The following CNTNAP2 variants were observed in gnomAD, a reference collection of about 807,000 sequenced individuals.
The protein encoded by CNTNAP2 is contactin-associated protein-like 2.
A neutral mutation model predicts 155.2 loss-of-function variants in CNTNAP2; 98 were observed. That is an observed-to-expected ratio of 0.63 (90% CI 0.54 to 0.75). CNTNAP2 has a LOEUF of 0.75. Among genes scored for constraint, CNTNAP2 ranks in the 30% least tolerant of loss-of-function variants. The pLI, the probability that CNTNAP2 is intolerant of heterozygous loss-of-function variation, is 0.00. For synonymous variants in CNTNAP2, 651 were observed against 631.2 expected (o/e 1.03, Z -0.47); for missense variants, 1,727 against 1,688.1 (o/e 1.02, Z -0.40).
intron 20 of CNTNAP2, among the ~76,000 whole-genome samples, chr7:148,259,179 TAAAAAAAA>T (rs34229180): frequency 2.0e-3 from 48 of 24,026 alleles, no homozygotes; most frequent in African/African-American, 6.7e-3. Context: ...AACTCCGTCT[TAAAAAAAA>T]AAAAAAAAAA....
chr7:146,304,948 C>A (rs950600617), intron 1 of CNTNAP2, among the ~76,000 whole-genome samples: 2 of 152,132 alleles, frequency 1.3e-5, no homozygotes, highest in African/African-American at 4.8e-5. Context: ...TTCCATATTT[C>A]TTGGAGGCTT....
chr7:148,100,784 A>G (rs539802929), intron 15 of CNTNAP2, among the ~76,000 whole-genome samples: 64 of 152,332 alleles, frequency 4.2e-4, no homozygotes, highest in Middle Eastern at 3.4e-3. Context: ...AAACATTTAT[A>G]TACCCAAAGG....
chr7:146,516,580 A>T (rs1797545110), intron 1 of CNTNAP2, among the ~76,000 whole-genome samples: 1 of 151,972 alleles, frequency 6.6e-6, no homozygotes, highest in Non-Finnish European at 1.5e-5. Flanking sequence ...AGGGAGTATA[A>T]GTTCATCTCC....
At position 147,945,847 on chromosome 7, in the gene CNTNAP2, CT is replaced by C. The variant is rs1359690757; in HGVS notation, c.2256-32011del. Among the ~76,000 whole-genome samples, 6 of 148,254 alleles carry C rather than the reference CT, an allele frequency of 4.0e-5. No homozygotes were observed. The East Asian group carries it at 1.2e-3, about 29-fold the overall frequency. On this transcript the variant is annotated intron_variant, in intron 14 of 23. Transcript: ENST00000361727. ...CGCATTCCCCACTTACTTCTCTTTT[CT>C]TTTCTTTTTTTTTCTTTTTCTTTTT...
intron 13 of CNTNAP2, among the ~76,000 whole-genome samples, chr7:147,848,318 G>A (rs1049681603): frequency 1.1e-4 from 16 of 150,094 alleles, no homozygotes; most frequent in African/African-American, 2.9e-4. Flanking sequence ...TTCTTAAGCC[G>A]GTCTGAAAAG....
rs187066564 is a variant in CNTNAP2 at position 146,957,535 on chromosome 7, A to G, written c.403-86372A>G. Among the ~76,000 whole-genome samples, 26 of 152,330 alleles carry G rather than the reference A, an allele frequency of 1.7e-4. No individual in the cohort carries two copies. The East Asian group carries it at 5.0e-3, about 29-fold the overall frequency. ...CAAGCATACACAAAAGCATAGAGTA[A>G]TTGTGCAAATTATTTTAAAGTTTTC... On this transcript the variant is annotated intron_variant, in intron 3 of 23. Coordinates refer to ENST00000361727, the MANE Select transcript of CNTNAP2 (RefSeq NM_014141.6).
intron 9 of CNTNAP2, among the ~76,000 whole-genome samples, chr7:147,381,633 C>T (rs1455316901): frequency 6.6e-6 from 1 of 152,152 alleles, no homozygotes. Context: ...CCCTAGGCAA[C>T]GATGGCTTTT....
chr7:148,219,612 G>T (rs1159812762), intron 19 of CNTNAP2, among the ~76,000 whole-genome samples: 1 of 152,186 alleles, frequency 6.6e-6, no homozygotes, highest in East Asian at 1.9e-4. Context: ...CAGGATGATT[G>T]CTTGAGGCCA....
At chr7:148,038,212 T>C (rs904586971) in intron 15 of CNTNAP2, among the ~76,000 whole-genome samples, 2 of 152,218 alleles carry the variant, frequency 1.3e-5, no homozygotes, top group Non-Finnish European at 2.9e-5. Flanking sequence ...GGCAATTCAG[T>C]CTGATGCCTC....
chr7:147,061,730 C>T (rs890635038), intron 4 of CNTNAP2, among the ~76,000 whole-genome samples: 29 of 152,070 alleles, frequency 1.9e-4, no homozygotes, highest in African/African-American at 7.0e-4. Flanking sequence ...AAATAATTAT[C>T]CCAAAATAGC....
chr7:148,303,600 G>A (rs1110038), intron 21 of CNTNAP2, among the ~76,000 whole-genome samples: 91,739 of 152,054 alleles, frequency 0.6, 29,517 homozygotes, highest in East Asian at 0.76. Flanking sequence ...CTTCTTTTTC[G>A]CATCCCAGAC....
chr7:148,006,570 C>T (rs1412675174), intron 15 of CNTNAP2, among the ~76,000 whole-genome samples: 2 of 150,060 alleles, frequency 1.3e-5, no homozygotes, highest in Non-Finnish European at 3.0e-5. Flanking sequence ...CTGCCTGCCT[C>T]GGCCTTCCAA....
intron 15 of CNTNAP2, among the ~76,000 whole-genome samples, chr7:148,105,799 C>T (rs1050461538): frequency 6.6e-6 from 1 of 152,136 alleles, no homozygotes; most frequent in Non-Finnish European, 1.5e-5. Context: ...GTTGGCCAGG[C>T]TCGTCTTGAA....
intron 3 of CNTNAP2, chr7:146,963,300 C>T (rs1028880943): frequency 6.6e-6 from 1 of 152,050 alleles, no homozygotes; most frequent in African/African-American, 2.4e-5. Flanking sequence ...TTCAATTTTA[C>T]TTGTCTTTGT....
chr7:146,975,345 G>A (rs1797889874), intron 3 of CNTNAP2, among the ~76,000 whole-genome samples: 1 of 152,018 alleles, frequency 6.6e-6, no homozygotes, highest in Non-Finnish European at 1.5e-5. Flanking sequence ...GGCACCTGTA[G>A]TCCCAGATAC....
chr7:146,459,407 A>G (rs918684995), intron 1 of CNTNAP2, among the ~76,000 whole-genome samples: 1 of 152,188 alleles, frequency 6.6e-6, no homozygotes, highest in Non-Finnish European at 1.5e-5. Flanking sequence ...CAAGAGTGAT[A>G]TAGCCAAAAC....
chr7:147,578,268 A>T (rs1563005952), intron 12 of CNTNAP2, among the ~76,000 whole-genome samples: 1 of 152,122 alleles, frequency 6.6e-6, no homozygotes, highest in African/African-American at 2.4e-5. Context: ...TTTGCAGGAG[A>T]TTGGTTGATA....
chr7:147,234,353 T>TTAA lies in CNTNAP2; in HGVS notation c.1349-65787_1349-65786insAAT, dbSNP rs1554455313. 2.4e-3 allele frequency among the ~76,000 whole-genome samples: 359 copies of TTAA among 149,156 alleles called. 1 individual carries two copies. The highest frequency in any genetic ancestry group is 8.4e-3 in the African/African-American group (338 of 40,342). On this transcript the variant is annotated intron_variant, in intron 8 of 23. Transcript: ENST00000361727. The stretch of plus-strand genomic sequence containing the variant: ...AGTATTCTTTTTTTTTTTTTTTTTT[T>TTAA]TTGAGAAGAAGTCTTGCTCTGTCAC...
chr7:146,793,303 A>G (rs1563232962), intron 2 of CNTNAP2, among the ~76,000 whole-genome samples: 1 of 152,230 alleles, frequency 6.6e-6, no homozygotes. Flanking sequence ...TAAAATATAC[A>G]TTTAAATTAT....
Sources: allele counts gnomAD v4.1 joint callset (sites outside exome capture counted in the v4.1 genomes callset), GRCh38; gene constraint gnomAD v4.1.1; transcripts MANE v1.5; gene names NCBI Gene and HGNC (gene_info 2026-07-23, HGNC 2026-07-21).